Variants in PRKN observed in about 807,000 individuals in gnomAD.
The protein encoded by PRKN is E3 ubiquitin-protein ligase parkin.
Under a neutral mutation model 59.5 loss-of-function variants are expected in PRKN, and 56 were observed. That is an observed-to-expected ratio of 0.94 (90% CI 0.76 to 1.18). The LOEUF (loss-of-function observed/expected upper bound fraction) is 1.18, where lower values mean the gene tolerates loss of function less well. PRKN is among the 50% of genes most tolerant of loss of function. PRKN has a pLI of 0.00. For missense variants in PRKN, 657 were observed against 596.4 expected (o/e 1.10, Z -1.06); for synonymous variants, 250 against 222.1 (o/e 1.13, Z -1.12).
In PRKN at chr6:161,408,457, G is replaced by T. The variant is rs184347040; in HGVS notation, c.1084-21580C>A. Among the ~76,000 whole-genome samples the T allele has an allele frequency of 2.7e-3, 403 of 149,996 alleles. 3 individuals carry two copies. Among genetic ancestry groups the T allele is most frequent in the African/African-American group, 9.5e-3 (388 of 40,972 alleles). Reference sequence around the variant, plus strand: ...AAAAATCCCATGTCCAGCCACGTGGGATTATGTTTGTTTTCTAGGTTTTCC... The same window carrying T: ...AAAAATCCCATGTCCAGCCACGTGGTATTATGTTTGTTTTCTAGGTTTTCC... On this transcript the variant is annotated intron_variant, in intron 9 of 11. Transcript: ENST00000366898.
chr6:162,086,401 C>T (rs1417635179), intron 4 of PRKN, among the ~76,000 whole-genome samples: 1 of 151,864 alleles, frequency 6.6e-6, no homozygotes, highest in African/African-American at 2.4e-5. Context: ...CTCCATGGCA[C>T]ACAAGCACAT....
At chr6:162,320,284 C>T (rs1179031054) in intron 2 of PRKN, among the ~76,000 whole-genome samples, 1 of 139,218 alleles carries the variant, frequency 7.2e-6, no homozygotes, top group Non-Finnish European at 1.5e-5. Flanking sequence ...GTGCAGGTAT[C>T]TTCTTGATGT....
chr6:162,521,170 CTTCTA>C (rs1778067624), intron 1 of PRKN, among the ~76,000 whole-genome samples: 1 of 151,908 alleles, frequency 6.6e-6, no homozygotes, highest in Admixed American at 6.6e-5. Flanking sequence ...TCACTCACAT[CTTCTA>C]TTCATCATTT....
rs148495086 is a variant in PRKN at position 162,044,089 on chromosome 6, G to T, written c.618+10002C>A. On this transcript the variant is annotated intron_variant, in intron 5 of 11. Transcript: ENST00000366898. ...TTACCTTTATTCACACTTTGCCAGG[G>T]ATTCAAGGAAGGCAGAAAAAATTGT... Among the ~76,000 whole-genome samples, 501 of 152,298 alleles carry T rather than the reference G, an allele frequency of 3.3e-3. 2 individuals carry two copies. Among genetic ancestry groups the T allele is most frequent in the African/African-American group, 0.012 (478 of 41,556 alleles).
chr6:161,545,582 G>A lies in PRKN; in HGVS notation c.1083+3272C>T. 1 of 670,534 alleles carries A rather than the reference G, an allele frequency of 1.5e-6. No individual in the cohort carries two copies. The highest frequency in any genetic ancestry group is 2.7e-6 in the Non-Finnish European group (1 of 370,428). The allele number at this position is 670,534 out of a possible 1,614,324, so 41.5% of individuals were successfully genotyped here. On this transcript the variant is annotated intron_variant, in intron 9 of 11. Transcript: ENST00000366898. The surrounding 1 kb of genome is among the most constrained non-coding windows in gnomAD (Gnocchi z 4.1). The stretch of plus-strand genomic sequence containing the variant: ...TACACTCCTTAAACCCAGAAAAGAT[G>A]GGCAGCTTACAAGGTTATACAAACC...
intron 7 of PRKN, among the ~76,000 whole-genome samples, chr6:161,694,823 T>G (rs1785949393): frequency 6.6e-6 from 1 of 152,190 alleles, no homozygotes; most frequent in Non-Finnish European, 1.5e-5. Context: ...AGCTGAGTTG[T>G]GCTGTGTAGA....
intron 2 of PRKN, among the ~76,000 whole-genome samples, chr6:162,272,297 C>A (rs11969329): frequency 0.06 from 9,136 of 152,152 alleles, 445 homozygotes; most frequent in African/African-American, 0.13. Context: ...GCCCATTAAA[C>A]CCACTTTAAA....
chr6:162,452,258 C>T (rs1790661268), intron 1 of PRKN, among the ~76,000 whole-genome samples: 2 of 152,146 alleles, frequency 1.3e-5, no homozygotes, highest in Admixed American at 1.3e-4. Context: ...CAAATAAACT[C>T]TTCAGGCTGA....
At chr6:161,573,951 T>C (rs1005777690) in intron 7 of PRKN, among the ~76,000 whole-genome samples, 1 of 151,476 alleles carries the variant, frequency 6.6e-6, no homozygotes, top group East Asian at 1.9e-4. Context: ...ATGTGTATTC[T>C]GGCTGTCTCC....
rs1777810563 is a variant in PRKN, at chr6:161,497,764, T to G, written c.1083+51090A>C. Among the ~76,000 whole-genome samples, 1 of 152,154 alleles carries G rather than the reference T, an allele frequency of 6.6e-6. No homozygotes were observed. On this transcript the variant is annotated intron_variant, in intron 9 of 11. Transcript: ENST00000366898. The surrounding 1 kb of genome is among the most constrained non-coding windows in gnomAD (Gnocchi z 4.6). ...AAGATGAGACCAGGATTCTGCCTGG[T>G]TCTGTTGCCAAGGTGGGTGGGAAGT...
In PRKN at chr6:161,402,424, C is replaced by T. The variant is rs1359568720; in HGVS notation, c.1084-15547G>A. ...GTGTCCCAGGGCGGCTGAGATAATGCGCGGATCTCAGGTGAGTCGAGGAAA... is the reference window on the plus strand; with the variant it reads ...GTGTCCCAGGGCGGCTGAGATAATGTGCGGATCTCAGGTGAGTCGAGGAAA... On this transcript the variant is annotated intron_variant, in intron 9 of 11. Coordinates refer to ENST00000366898, the MANE Select transcript of PRKN (RefSeq NM_004562.3). This position sits in a 1 kb window ranked among gnomAD's most constrained non-coding sequence, Gnocchi z 4.5. Among the ~76,000 whole-genome samples, 1 of 152,092 alleles carries T rather than the reference C, an allele frequency of 6.6e-6. No homozygotes were observed. The highest frequency in any genetic ancestry group is 2.4e-5 in the African/African-American group (1 of 41,378).
intron 2 of PRKN, among the ~76,000 whole-genome samples, chr6:162,365,629 A>G (rs565526733): frequency 7.7e-4 from 117 of 152,198 alleles, no homozygotes; most frequent in Non-Finnish European, 1.4e-3. Context: ...TCCTGTCCCA[A>G]GGTATTGGCG....
intron 6 of PRKN, among the ~76,000 whole-genome samples, chr6:161,866,256 A>G (rs1209905168): frequency 1.3e-5 from 2 of 151,656 alleles, no homozygotes; most frequent in African/African-American, 4.9e-5. Context: ...TATAATAATA[A>G]TGAAAAAGTT....
chr6:161,750,767 T>C lies in PRKN; in HGVS notation c.871+35005A>G, dbSNP rs1460678950. On this transcript the variant is annotated intron_variant, in intron 7 of 11. Coordinates refer to ENST00000366898, the MANE Select transcript of PRKN (RefSeq NM_004562.3). ...GGGCAACAAGTGTGAAACTCTTGTC[T>C]CAAAAAAAAAAAAAAAAGTATTAAA... Among the ~76,000 whole-genome samples, 3 of 140,234 alleles carry C rather than the reference T, an allele frequency of 2.1e-5. No individual in the cohort carries two copies. The Admixed American group carries it at 2.2e-4, about 10-fold the overall frequency. The allele number at this position is 140,234 out of a possible 152,430, so 92.0% of individuals were successfully genotyped here. A position where few individuals can be genotyped will look rare whatever the true frequency, so the allele number is the denominator to read the frequency against.
intron 4 of PRKN, among the ~76,000 whole-genome samples, chr6:162,143,513 A>G (rs1781876694): frequency 6.6e-6 from 1 of 152,182 alleles, no homozygotes. Context: ...CTACAGAGAA[A>G]AATGTACACT....
At chr6:162,675,316 C>T (rs201196759) in intron 1 of PRKN, among the ~76,000 whole-genome samples, 2 of 151,908 alleles carry the variant, frequency 1.3e-5, no homozygotes, top group South Asian at 4.2e-4. Context: ...CCCAAAGTGC[C>T]GGGATTACAG....
intron 3 of PRKN, among the ~76,000 whole-genome samples, chr6:162,207,723 C>T (rs962154796): frequency 2.0e-5 from 3 of 152,204 alleles, no homozygotes; most frequent in Admixed American, 2.0e-4. Flanking sequence ...CTTGACCTTT[C>T]TGTACCTGTC....
Position 161,747,397 on chromosome 6 carries a change from CT to C in PRKN, c.871+38374del, listed in dbSNP as rs3066567. ...AAGGTAATGGAAGTGATATGTTTCT[CT>C]TTTTTTTTTTTCTCATCAGAAAACT... On this transcript the variant is annotated intron_variant, in intron 7 of 11. Transcript: ENST00000366898. Among the ~76,000 whole-genome samples the C allele has an allele frequency of 7.7e-3, 1,117 of 145,866 alleles. 10 individuals carry two copies. The highest frequency in any genetic ancestry group is 0.023 in the African/African-American group (938 of 40,076).
In PRKN at chr6:162,065,139, G is replaced by A. The variant is rs191353718; in HGVS notation, c.535-10965C>T. ...ATCACAAGATGAAGTCCAAGGATAG[G>A]CCGTGTGCAGGCTGAGGAAGAAAGA... On this transcript the variant is annotated intron_variant, in intron 4 of 11. Coordinates refer to ENST00000366898, the MANE Select transcript of PRKN (RefSeq NM_004562.3). Among the ~76,000 whole-genome samples, 98 of 152,298 alleles carry A rather than the reference G, an allele frequency of 6.4e-4. 1 individual carries two copies. Among genetic ancestry groups the A allele is most frequent in the African/African-American group, 2.3e-3 (95 of 41,564 alleles).
Sources: gnomAD v4.1 joint callset for allele counts (sites outside exome capture counted in the v4.1 genomes callset) on GRCh38, gnomAD v4.1.1 for gene constraint, Gnocchi (gnomAD v3.1) non-coding constraint, MANE v1.5 for transcripts, NCBI Gene and HGNC (gene_info 2026-07-23, HGNC 2026-07-21) for gene names.